Variants in TRPM3 observed in about 807,000 individuals in gnomAD.
TRPM3 encodes the protein long transient receptor potential channel 3.
Under a neutral mutation model 181.2 loss-of-function variants are expected in TRPM3, and 77 were observed. That is an observed-to-expected ratio of 0.42 (90% confidence interval 0.35 to 0.51). The LOEUF is 0.51. Among genes scored for constraint, TRPM3 ranks in the 20% least tolerant of loss-of-function variants. The pLI, the probability that TRPM3 is intolerant of heterozygous loss-of-function variation, is 0.01. For missense variants in TRPM3, 1,759 were observed against 2,196.7 expected, an observed-to-expected ratio of 0.80 and a Z score of 3.98; for synonymous variants, 745 against 796.4, an observed-to-expected ratio of 0.94 and a Z score of 1.09.
chr9:71,275,598 A>G (rs556501729), intron 1 of TRPM3, among the ~76,000 whole-genome samples: 334 of 152,262 alleles, frequency 2.2e-3, no homozygotes, highest in African/African-American at 7.7e-3. Context: ...TGAAGTTCCA[A>G]TAGTTATACA....
intron 1 of TRPM3, among the ~76,000 whole-genome samples, chr9:71,366,926 T>C (rs1298164946): frequency 1.3e-5 from 2 of 152,156 alleles, no homozygotes; most frequent in African/African-American, 2.4e-5. Context: ...AAGTTGAAGA[T>C]TTTTATAGAG....
chr9:70,544,331 T>G (rs2044305054), intron 25 of TRPM3, among the ~76,000 whole-genome samples: 1 of 152,042 alleles, frequency 6.6e-6, no homozygotes, highest in Admixed American at 6.6e-5. Context: ...AAAGATAAGG[T>G]TAGTTAACAG....
In TRPM3 at chr9:71,328,942, C is replaced by T. The variant is rs140022538; in HGVS notation, c.183+117711G>A. Among the ~76,000 whole-genome samples, 893 of 152,298 alleles carry T rather than the reference C, an allele frequency of 5.9e-3. 9 individuals are homozygous for T. The highest frequency in any genetic ancestry group is 0.021 in the African/African-American group (856 of 41,570). On this transcript the variant is annotated intron_variant, in intron 1 of 24. Transcript: ENST00000357533. ...CTCACATATGGACAATGCTGAATGC[C>T]TGCAAAGTGTAATAATCAAAAGTGT...
intron 1 of TRPM3, among the ~76,000 whole-genome samples, chr9:70,999,173 C>T (rs1453302093): frequency 6.6e-6 from 1 of 152,126 alleles, no homozygotes; most frequent in Non-Finnish European, 1.5e-5. Flanking sequence ...ATCTGGCCTA[C>T]CCCCTACAGG....
At chr9:70,821,565 T>C (rs1399789277) in intron 6 of TRPM3, among the ~76,000 whole-genome samples, 1 of 152,220 alleles carries the variant, frequency 6.6e-6, no homozygotes, top group Non-Finnish European at 1.5e-5. Flanking sequence ...TATAAATATC[T>C]GAACAGTAAA....
intron 1 of TRPM3, among the ~76,000 whole-genome samples, chr9:71,407,117 T>C (rs911821024): frequency 3.3e-5 from 5 of 152,324 alleles, no homozygotes; most frequent in African/African-American, 9.6e-5. Flanking sequence ...TGTTCCAAGA[T>C]GGCCGAATAG....
chr9:71,106,349 C>A (rs1011790353), intron 1 of TRPM3, among the ~76,000 whole-genome samples: 1 of 152,034 alleles, frequency 6.6e-6, no homozygotes, highest in Non-Finnish European at 1.5e-5. Flanking sequence ...GAGGGCAGAT[C>A]CCTCGTGAAT....
At chr9:71,030,741 T>C (rs909022828) in intron 1 of TRPM3, among the ~76,000 whole-genome samples, 2 of 152,198 alleles carry the variant, frequency 1.3e-5, no homozygotes, top group African/African-American at 4.8e-5. Flanking sequence ...TGTATTAATC[T>C]GTAAAAGCAA....
At chr9:71,397,328 T>A (rs116679563) in intron 1 of TRPM3, among the ~76,000 whole-genome samples, 4,346 of 152,292 alleles carry the variant, frequency 0.029, 196 homozygotes, top group African/African-American at 0.097. Flanking sequence ...CTGTTTTTTT[T>A]AAAAGGGGCC....
At chr9:71,370,645 G>A (rs1015043891) in intron 1 of TRPM3, among the ~76,000 whole-genome samples, 2 of 152,134 alleles carry the variant, frequency 1.3e-5, no homozygotes, top group African/African-American at 4.8e-5. Flanking sequence ...AGCCATCTCC[G>A]TAACATAAAA....
chr9:70,915,585 A>G (rs58522395), intron 1 of TRPM3, among the ~76,000 whole-genome samples: 3,336 of 151,940 alleles, frequency 0.022, 59 homozygotes, highest in Non-Finnish European at 0.027. Context: ...GATTACAGGC[A>G]TGAGCCACCA....
intron 9 of TRPM3, among the ~76,000 whole-genome samples, chr9:70,675,324 C>T (rs1367186915): frequency 6.6e-6 from 1 of 152,104 alleles, no homozygotes; most frequent in Non-Finnish European, 1.5e-5. Flanking sequence ...TGGTCTTGAA[C>T]TCCTGACCTC....
intron 1 of TRPM3, among the ~76,000 whole-genome samples, chr9:71,095,078 T>C (rs1339680784): frequency 1.3e-5 from 2 of 152,164 alleles, no homozygotes; most frequent in Non-Finnish European, 2.9e-5. Flanking sequence ...ATCTACAAAA[T>C]GGACTGTAAT....
rs951103968 is a variant in TRPM3, at chr9:70,529,564, G to A, written c.*6389C>T. 6.6e-6 allele frequency: 1 copy of A among 152,150 alleles called. No homozygotes were observed. The highest frequency in any genetic ancestry group is 1.5e-5 in the Non-Finnish European group (1 of 68,028). 9.4% of individuals were successfully genotyped at this position (152,150 alleles called of 1,614,324 possible). ...AGGTAAGTCTTCATACCATGCTATGGTACTCTTCTTCTGAATCTCTCTCAC... is the reference window on the plus strand; with the variant it reads ...AGGTAAGTCTTCATACCATGCTATGATACTCTTCTTCTGAATCTCTCTCAC... On this transcript the variant is annotated 3_prime_UTR_variant, in exon 26 of 26. Transcript: ENST00000677713.
chr9:70,863,979 T>C (rs913350618), intron 2 of TRPM3, among the ~76,000 whole-genome samples: 51 of 152,206 alleles, frequency 3.4e-4, no homozygotes, highest in Admixed American at 8.5e-4. Context: ...ATATTGTTGA[T>C]CCTAAGGAAG....
chr9:71,404,313 G>C (rs969166228), intron 1 of TRPM3, among the ~76,000 whole-genome samples: 1 of 152,136 alleles, frequency 6.6e-6, no homozygotes, highest in African/African-American at 2.4e-5. Flanking sequence ...TACATTAATA[G>C]GTTTTCGTTA....
At chr9:70,770,526 A>G (rs1473711029) in intron 7 of TRPM3, among the ~76,000 whole-genome samples, 1 of 152,228 alleles carries the variant, frequency 6.6e-6, no homozygotes, top group Non-Finnish European at 1.5e-5. Flanking sequence ...CAAGTCATAC[A>G]TTGAAGTGGT....
At chr9:70,744,681 T>C (rs749075634) in intron 8 of TRPM3, among the ~76,000 whole-genome samples, 9 of 152,176 alleles carry the variant, frequency 5.9e-5, no homozygotes, top group Admixed American at 1.3e-4. Flanking sequence ...GTAAATATAA[T>C]GACTGGTATA....
intron 22 of TRPM3, among the ~76,000 whole-genome samples, chr9:70,580,577 G>A (rs1202733131): frequency 6.6e-6 from 1 of 152,158 alleles, no homozygotes; most frequent in Admixed American, 6.5e-5. Flanking sequence ...GTTCCAGGCT[G>A]GCCCAGGGAG....
Sources: allele counts gnomAD v4.1 joint callset (sites outside exome capture counted in the v4.1 genomes callset), GRCh38; gene constraint gnomAD v4.1.1; transcripts MANE v1.5; gene names NCBI Gene and HGNC (gene_info 2026-07-23, HGNC 2026-07-21).